PRADC1: variants seen among roughly 807,000 people sequenced by gnomAD.
The protein encoded by PRADC1 is protease-associated domain-containing protein 1.
Under a neutral mutation model 22.9 loss-of-function variants are expected in PRADC1, and 23 were observed. The observed-to-expected ratio is 1.00, with a 90% CI of 0.72 to 1.42. PRADC1 has a LOEUF of 1.42. Ranked by LOEUF, PRADC1 falls within the 40% of genes most tolerant of loss-of-function variation. The pLI is 0.00. For missense variants in PRADC1, 207 were observed against 258.3 expected (o/e 0.80, Z 1.36); for synonymous variants, 71 against 100.3 (o/e 0.71, Z 1.75).
chr2:73,228,934 C>T lies in PRADC1; in HGVS notation c.307G>A (p.Val103Met), dbSNP rs1373804704. 2 of 1,613,960 alleles carry T rather than the reference C, an allele frequency of 1.2e-6. No homozygotes were observed. Among genetic ancestry groups the T allele is most frequent in the South Asian group, 2.2e-5 (2 of 91,018 alleles). Reference protein sequence around the residue: ...GGCSFLSKTRVVQEHGGRAVI... With the variant: ...GGCSFLSKTRMVQEHGGRAVI... Reference sequence around the variant, plus strand: ...GCCCGCCCGCCGTGCTCCTGGACCACCCGAGTCTTGGAGAGGAAGGAGCAG... The same window carrying T: ...GCCCGCCCGCCGTGCTCCTGGACCATCCGAGTCTTGGAGAGGAAGGAGCAG... Residue 103 changes from valine (V) to methionine (M), a missense_variant, in exon 4 of 5, where the codon GTG (valine) becomes ATG (methionine). Coordinates refer to ENST00000258083, the MANE Select transcript of PRADC1 (RefSeq NM_032319.3). This position sits in a 1 kb window ranked among gnomAD's most constrained non-coding sequence, Gnocchi z 4.0.
In PRADC1 at chr2:73,228,241, CCT is replaced by C; in HGVS notation, c.*211_*212del. 1.7e-6 allele frequency: 1 copy of C among 583,934 alleles called. No individual in the cohort carries two copies. Among genetic ancestry groups the C allele is most frequent in the Non-Finnish European group, 3.0e-6 (1 of 336,626 alleles). The allele number at this position is 583,934 out of a possible 1,614,324, so 36.2% of individuals were successfully genotyped here. On this transcript the variant is annotated 3_prime_UTR_variant, in exon 5 of 5. Transcript: ENST00000258083. The surrounding 1 kb of genome is among the most constrained non-coding windows in gnomAD (Gnocchi z 4.0). ...CAGAAGCCCTGGGGCCTGTCTCTTG[CCT>C]CTTCTTGTAGCATGAGACACCCTTG...
In PRADC1 at chr2:73,233,233, G is replaced by A. The variant is rs1208893314; in HGVS notation, c.-73C>T. On this transcript the variant is annotated 5_prime_UTR_variant, in exon 1 of 5. Transcript: ENST00000258083. ...GCCGCGCGTCGCTCGCAGGACTTCA[G>A]CCTGACAGCTGCTCCGGCCTCCCGC... 1 of 1,034,378 alleles carries A rather than the reference G, an allele frequency of 9.7e-7. No homozygotes were observed. Among genetic ancestry groups the A allele is most frequent in the Non-Finnish European group, 1.3e-6 (1 of 767,990 alleles). The allele number at this position is 1,034,378 out of a possible 1,614,324, so 64.1% of individuals were successfully genotyped here.
chr2:73,230,862 C>T (rs1686623398), intron 1 of PRADC1, among the ~76,000 whole-genome samples: 1 of 152,268 alleles, frequency 6.6e-6, no homozygotes, highest in African/African-American at 2.4e-5. Flanking sequence ...TCAAGCTACA[C>T]TGGCCTTTCA....
chr2:73,228,115 C>CAG lies in PRADC1; in HGVS notation c.*337_*338dup. 3 of 340,198 alleles carry CAG rather than the reference C, an allele frequency of 8.8e-6. No homozygotes were observed. The highest frequency in any genetic ancestry group is 1.7e-5 in the Non-Finnish European group (3 of 176,870). The allele number at this position is 340,198 out of a possible 1,614,324, so 21.1% of individuals were successfully genotyped here. On this transcript the variant is annotated 3_prime_UTR_variant, in exon 5 of 5. Coordinates refer to ENST00000258083, the MANE Select transcript of PRADC1 (RefSeq NM_032319.3). The surrounding 1 kb of genome is among the most constrained non-coding windows in gnomAD (Gnocchi z 4.0). ...AACAACTGCTGTGAAGGTCACTGTG[C>CAG]AGAGACCCTGGGTAGGGGAGGCTGG...
chr2:73,232,068 G>C (rs529892484), intron 1 of PRADC1, among the ~76,000 whole-genome samples: 1 of 151,762 alleles, frequency 6.6e-6, no homozygotes, highest in East Asian at 2.0e-4. Flanking sequence ...GGGCGCGGTG[G>C]CTCACGCCTG....
At chr2:73,232,666 G>A (rs1686681374) in intron 1 of PRADC1, among the ~76,000 whole-genome samples, 1 of 152,202 alleles carries the variant, frequency 6.6e-6, no homozygotes. Flanking sequence ...TCACTTATGT[G>A]CATAGATGTA....
In PRADC1 at chr2:73,233,226, G is replaced by A. The variant is rs546559591; in HGVS notation, c.-66C>T. ...CCGCCCCGCCGCGCGTCGCTCGCAGGACTTCAGCCTGACAGCTGCTCCGGC... is the reference window on the plus strand; with the variant it reads ...CCGCCCCGCCGCGCGTCGCTCGCAGAACTTCAGCCTGACAGCTGCTCCGGC... On this transcript the variant is annotated 5_prime_UTR_variant, in exon 1 of 5. Coordinates refer to ENST00000258083, the MANE Select transcript of PRADC1 (RefSeq NM_032319.3). 11 of 1,098,006 alleles carry A rather than the reference G, an allele frequency of 1.0e-5. No individual in the cohort carries two copies. The African/African-American group carries it at 1.5e-4, about 15-fold the overall frequency. The allele number at this position is 1,098,006 out of a possible 1,614,324, so 68.0% of individuals were successfully genotyped here.
chr2:73,229,892 C>G, intron 2 of PRADC1: 1 of 587,692 alleles, frequency 1.7e-6, no homozygotes, highest in Non-Finnish European at 3.0e-6. Flanking sequence ...CACTTCATGT[C>G]CCCTAAAAAG....
chr2:73,232,356 AAAG>A (rs1415698088), intron 1 of PRADC1, among the ~76,000 whole-genome samples: 12 of 152,088 alleles, frequency 7.9e-5, no homozygotes, highest in African/African-American at 2.9e-4. Context: ...AAAAAGAAAA[AAAG>A]AAAACTGCTG....
At position 73,228,463 on chromosome 2, in the gene PRADC1, G is replaced by T; in HGVS notation, c.558C>A (p.Thr186=). ...TGTGGGACAAACTCTTCTACCAGAA[G>T]GTCCAGGGCGGTTGCAGCAGCTCAA... ...PTFELLQPPW[T]FW is the part of the protein sequence containing the mutation. Residue 186 remains threonine, a synonymous_variant, in exon 5 of 5, where the codon ACC becomes ACA. Coordinates refer to ENST00000258083, the MANE Select transcript of PRADC1 (RefSeq NM_032319.3). The surrounding 1 kb of genome is among the most constrained non-coding windows in gnomAD (Gnocchi z 4.0). 4.3e-6 allele frequency: 7 copies of T among 1,614,110 alleles called. No individual in the cohort carries two copies. Among genetic ancestry groups the T allele is most frequent in the Non-Finnish European group, 5.1e-6 (6 of 1,180,020 alleles).
chr2:73,230,011 C>T (rs1686604801), intron 2 of PRADC1, 102 bp downstream of exon 2: 1 of 821,538 alleles, frequency 1.2e-6, no homozygotes, highest in Non-Finnish European at 2.1e-6. Flanking sequence ...ATTCTGCTCC[C>T]TTCCCTGTCC....
chr2:73,231,566 G>T (rs375519193), intron 1 of PRADC1, among the ~76,000 whole-genome samples: 3 of 151,988 alleles, frequency 2.0e-5, no homozygotes, highest in East Asian at 3.8e-4. Context: ...ACAGGCGTGC[G>T]CCACCATGCC....
At chr2:73,233,069 C>G (rs1223797976) in intron 1 of PRADC1, 25 bp downstream of exon 1, 1 of 1,533,164 alleles carries the variant, frequency 6.5e-7, no homozygotes, top group Non-Finnish European at 8.7e-7. Flanking sequence ...CGCCCTGCAA[C>G]GCAGTCCCAC....
chr2:73,230,212 G>A lies in PRADC1; in HGVS notation c.69C>T (p.Gly23=), dbSNP rs1250351707. Reference sequence around the variant, plus strand: ...AGTACAAATAATCATGGATACGGAAGCCTGAAGGATAAAGAGTACAGGTAA... The same window carrying A: ...AGTACAAATAATCATGGATACGGAAACCTGAAGGATAAAGAGTACAGGTAA... ...LWLPACVAAH[G]FRIHDYLYFQ... is the part of the protein sequence containing the mutation. Residue 23 remains glycine (G), a splice_region_variant and synonymous_variant, in exon 2 of 5, where the codon GGC becomes GGT. Coordinates refer to ENST00000258083, the MANE Select transcript of PRADC1 (RefSeq NM_032319.3). 1.2e-6 allele frequency: 2 copies of A among 1,611,146 alleles called. No individual in the cohort carries two copies. Among genetic ancestry groups the A allele is most frequent in the East Asian group, 2.2e-5 (1 of 44,872 alleles).
At chr2:73,230,280 C>G (rs1322426174) in intron 1 of PRADC1, 67 bp from the exon 2 acceptor site, 1 of 1,184,058 alleles carries the variant, frequency 8.4e-7, no homozygotes, top group East Asian at 2.4e-5. Flanking sequence ...AGATCCCAGA[C>G]CCTGTGTCTT....
intron 2 of PRADC1, 41 bp downstream of exon 2, chr2:73,230,072 G>T: frequency 7.4e-7 from 1 of 1,351,274 alleles, no homozygotes; most frequent in Non-Finnish European, 1.1e-6. Context: ...AGGGGAAGGG[G>T]GAGGTTGAGG....
In PRADC1 at chr2:73,229,439, G is replaced by A. The variant is rs771217779; in HGVS notation, c.278+22C>T. 3.9e-6 allele frequency: 6 copies of A among 1,527,024 alleles called. No individual in the cohort carries two copies. In the South Asian group the frequency reaches 6.7e-5, roughly 17 times the overall value. The allele number at this position is 1,527,024 out of a possible 1,614,324, so 94.6% of individuals were successfully genotyped here. ...TGCCGTATGCCTGCCCACTCCTCGT[G>A]TCCTGCCTGCCCACTCCTTACCCCC... is the stretch of plus-strand genomic sequence containing the variant. On this transcript the variant is annotated intron_variant, in intron 3 of 4. Transcript: ENST00000258083.
At chr2:73,230,494 G>T (rs146939420) in intron 1 of PRADC1, among the ~76,000 whole-genome samples, 1 of 152,350 alleles carries the variant, frequency 6.6e-6, no homozygotes, top group Non-Finnish European at 1.5e-5. Flanking sequence ...TAGTATTTTT[G>T]CTCTGAAGAC....
At position 73,230,155 on chromosome 2, in the gene PRADC1, G is replaced by C; in HGVS notation, c.126C>G (p.Tyr42Ter). ...CCTTGGCAGGTGTGGCTGTGAAGAT[G>C]TATCGAATGTCCCCAGGACTCAGCA... is the stretch of plus-strand genomic sequence containing the variant. ...FQVLSPGDIRYIFTATPAKDF... is the reference protein window; with the variant it reads ...FQVLSPGDIR Residue 42 changes from tyrosine (Y) to a stop codon, truncating the protein, a stop_gained, in exon 2 of 5, where the codon TAC (tyrosine) becomes TAG (stop). Transcript: ENST00000258083. LOFTEE classifies it high-confidence loss of function. 2 of 1,614,066 alleles carry C rather than the reference G, an allele frequency of 1.2e-6. No homozygotes were observed. The highest frequency in any genetic ancestry group is 1.7e-6 in the Non-Finnish European group (2 of 1,179,898).
Sources: gnomAD v4.1 joint callset for allele counts (sites outside exome capture counted in the v4.1 genomes callset) on GRCh38, gnomAD v4.1.1 for gene constraint, Gnocchi (gnomAD v3.1) non-coding constraint, MANE v1.5 for transcripts, NCBI Gene and HGNC (gene_info 2026-07-23, HGNC 2026-07-21) for gene names.